Variants in ACBD6 observed in about 807,000 individuals in gnomAD.
ACBD6 encodes the protein acyl-CoA binding domain containing 6, also known as acyl-CoA-binding domain-containing protein 6.
In ACBD6, 28 loss-of-function variants were observed where a neutral mutation model predicts 37.2. That is an observed-to-expected ratio of 0.75 (90% CI 0.56 to 1.03). ACBD6 has a LOEUF of 1.03. Ranked by LOEUF, ACBD6 falls within the 50% of genes least tolerant of loss-of-function variation. The pLI is 0.00. For synonymous variants in ACBD6, 113 were observed against 126.8 expected (o/e 0.89, Z 0.73); for missense variants, 340 against 337.4 (o/e 1.01, Z -0.06).
chr1:180,469,160 C>A (rs780398126), intron 3 of ACBD6, among the ~76,000 whole-genome samples: 1 of 152,120 alleles, frequency 6.6e-6, no homozygotes, highest in Non-Finnish European at 1.5e-5. Context: ...TCCTCTTAGG[C>A]TCTTTTTACC....
intron 3 of ACBD6, among the ~76,000 whole-genome samples, chr1:180,470,794 CTTTG>C (rs1247876463): frequency 2.6e-5 from 4 of 152,168 alleles, no homozygotes; most frequent in South Asian, 4.1e-4. Context: ...TAAGAGGTCA[CTTTG>C]TTTGTGCTCA....
At chr1:180,370,496 A>G (rs1049370527) in intron 6 of ACBD6, among the ~76,000 whole-genome samples, 2 of 152,220 alleles carry the variant, frequency 1.3e-5, no homozygotes, top group African/African-American at 4.8e-5. Context: ...CATTCAAAGA[A>G]CTTACAATCC....
intron 3 of ACBD6, among the ~76,000 whole-genome samples, chr1:180,460,222 G>T (rs1198984475): frequency 3.3e-5 from 5 of 151,460 alleles, no homozygotes; most frequent in Admixed American, 2.0e-4. Context: ...TTACCAACAG[G>T]GGCCTCAAGC....
At chr1:180,294,668 C>T (rs971194389) in intron 7 of ACBD6, among the ~76,000 whole-genome samples, 2 of 151,698 alleles carry the variant, frequency 1.3e-5, no homozygotes, top group Admixed American at 6.6e-5. Context: ...GTACTGATAT[C>T]CTTTCATTCC....
intron 3 of ACBD6, among the ~76,000 whole-genome samples, chr1:180,488,516 TAAC>T (rs1651365144): frequency 2.0e-5 from 3 of 152,132 alleles, no homozygotes; most frequent in Admixed American, 1.3e-4. Context: ...GCAGAGTGGT[TAAC>T]AACAGGGCTC....
chr1:180,461,084 T>C (rs1454628567), intron 3 of ACBD6, among the ~76,000 whole-genome samples: 1 of 151,808 alleles, frequency 6.6e-6, no homozygotes, highest in Admixed American at 6.6e-5. Flanking sequence ...AAAAACACAA[T>C]ACAAGAATTT....
chr1:180,339,189 C>T (rs1239137102), intron 6 of ACBD6, among the ~76,000 whole-genome samples: 2 of 152,060 alleles, frequency 1.3e-5, no homozygotes, highest in African/African-American at 2.4e-5. Context: ...GGGTATATAC[C>T]CAAAGGAGTA....
intron 6 of ACBD6, among the ~76,000 whole-genome samples, chr1:180,347,767 C>T (rs1316856816): frequency 6.6e-6 from 1 of 151,954 alleles, no homozygotes; most frequent in African/African-American, 2.4e-5. Context: ...GTCAAGAGAT[C>T]AAGACCATCC....
chr1:180,472,715 A>C (rs1261920043), intron 3 of ACBD6, among the ~76,000 whole-genome samples: 1 of 152,234 alleles, frequency 6.6e-6, no homozygotes, highest in Non-Finnish European at 1.5e-5. Context: ...GTTTACCAGG[A>C]AAAACACATT....
chr1:180,368,738 A>C (rs1159951139), intron 6 of ACBD6, among the ~76,000 whole-genome samples: 3 of 150,562 alleles, frequency 2.0e-5, no homozygotes, highest in Non-Finnish European at 3.0e-5. Context: ...ATATATGTTT[A>C]AATTATAATT....
intron 6 of ACBD6, among the ~76,000 whole-genome samples, chr1:180,318,653 C>A (rs1215972272): frequency 1.3e-5 from 2 of 152,102 alleles, no homozygotes; most frequent in Admixed American, 6.5e-5. Context: ...TTAAAAAGAG[C>A]AAACCCACCT....
At chr1:180,486,766 AG>A (rs1651282661) in intron 3 of ACBD6, among the ~76,000 whole-genome samples, 1 of 152,230 alleles carries the variant, frequency 6.6e-6, no homozygotes, top group African/African-American at 2.4e-5. Context: ...AGGGAAAAAT[AG>A]GAACTTCATA....
intron 7 of ACBD6, among the ~76,000 whole-genome samples, chr1:180,309,952 G>T (rs1558243714): frequency 1.3e-5 from 2 of 152,154 alleles, no homozygotes; most frequent in African/African-American, 2.4e-5. Flanking sequence ...TGTTTGAGGA[G>T]TAAGTGATGT....
At chr1:180,420,649 G>C (rs552781977) in intron 4 of ACBD6, among the ~76,000 whole-genome samples, 2 of 152,204 alleles carry the variant, frequency 1.3e-5, no homozygotes, top group Non-Finnish European at 2.9e-5. Context: ...TTTAAAAGGC[G>C]GTCTCTTACT....
chr1:180,354,024 C>T (rs1384110884), intron 6 of ACBD6, among the ~76,000 whole-genome samples: 2 of 152,140 alleles, frequency 1.3e-5, no homozygotes, highest in East Asian at 1.9e-4. Context: ...ATTTAAGGAG[C>T]AGGATAAATG....
chr1:180,472,977 A>G (rs186283846), intron 3 of ACBD6, among the ~76,000 whole-genome samples: 4 of 152,234 alleles, frequency 2.6e-5, no homozygotes, highest in African/African-American at 7.2e-5. Context: ...GTAGAATACT[A>G]CTGAACAAAA....
intron 3 of ACBD6, among the ~76,000 whole-genome samples, chr1:180,481,794 G>C (rs1651051270): frequency 6.6e-6 from 1 of 152,200 alleles, no homozygotes; most frequent in African/African-American, 2.4e-5. Context: ...CTGGAAAAGA[G>C]AATTATAAGG....
rs1030729427 is a variant in ACBD6 at position 180,431,156 on chromosome 1, T to C, written c.385-894A>G. 3.4e-5 allele frequency among the ~76,000 whole-genome samples: 5 copies of C among 149,018 alleles called. No homozygotes were observed. In the East Asian group the frequency reaches 1.2e-3, roughly 35 times the overall value. ...CAGTACTTAAGAGAAGTACGAGTTT[T>C]GTTTTGTTTTTTAATTGTTTGTTTC... On this transcript the variant is annotated intron_variant, in intron 3 of 7. Coordinates refer to ENST00000367595, the MANE Select transcript of ACBD6 (RefSeq NM_032360.4).
chr1:180,419,518 T>A (rs1445731254), intron 4 of ACBD6, among the ~76,000 whole-genome samples: 1 of 152,118 alleles, frequency 6.6e-6, no homozygotes, highest in East Asian at 1.9e-4. Context: ...CCAAAGGAAT[T>A]CGTATAAGTT....
Sources: gnomAD v4.1 joint callset for allele counts (sites outside exome capture counted in the v4.1 genomes callset) on GRCh38, gnomAD v4.1.1 for gene constraint, MANE v1.5 for transcripts, NCBI Gene and HGNC (gene_info 2026-07-23, HGNC 2026-07-21) for gene names.